The following ZNF141 variants were observed in gnomAD, a reference collection of about 807,000 sequenced individuals.
ZNF141 encodes the protein zinc finger protein 141, also known as zinc finger protein 141 (clone pHZ-44).
Under a neutral mutation model 11.3 loss-of-function variants are expected in ZNF141, and 7 were observed. The ratio of observed to expected loss-of-function variants is 0.62; its 90% CI spans 0.35 to 1.16. ZNF141 has a LOEUF of 1.16. ZNF141 is among the 50% of genes most tolerant of loss of function. ZNF141 has a pLI of 0.02. For missense variants in ZNF141, 535 were observed against 554.0 expected (o/e 0.97, Z 0.34); for synonymous variants, 183 against 190.7 (o/e 0.96, Z 0.33).
chr4:378,671 T>TA lies in ZNF141; in HGVS notation c.*4810dup, dbSNP rs1326218583. Among the ~76,000 whole-genome samples, 14 of 152,088 alleles carry TA rather than the reference T, an allele frequency of 9.2e-5. No individual in the cohort carries two copies. Among genetic ancestry groups the TA allele is most frequent in the African/African-American group, 3.1e-4 (13 of 41,420 alleles). ...TGATCTTTTTTGTCCAGATTCATAT[T>TA]ACAATCTTGAGGAATTTCTCATAAT... On this transcript the variant is annotated 3_prime_UTR_variant, in exon 4 of 4. Coordinates refer to ENST00000240499, the MANE Select transcript of ZNF141 (RefSeq NM_003441.4).
rs371559158 is a variant in ZNF141, at chr4:373,878, T to G, written c.*16T>G. On this transcript the variant is annotated 3_prime_UTR_variant, in exon 4 of 4. Transcript: ENST00000240499. Reference sequence around the variant, plus strand: ...TCATACTTGAGAGAAATCCTACAAATGTAAAGAATGTGGCAAACCTTTGGA... The same window carrying G: ...TCATACTTGAGAGAAATCCTACAAAGGTAAAGAATGTGGCAAACCTTTGGA... 18 of 1,583,568 alleles carry G rather than the reference T, an allele frequency of 1.1e-5. No homozygotes were observed. The African/African-American group carries it at 2.2e-4, about 19-fold the overall frequency.
intron 3 of ZNF141, among the ~76,000 whole-genome samples, chr4:349,186 C>G (rs910200871): frequency 5.3e-5 from 8 of 151,802 alleles, no homozygotes; most frequent in African/African-American, 1.9e-4. Context: ...GTGATCCCAG[C>G]ACTTTCAGAG....
intron 3 of ZNF141, among the ~76,000 whole-genome samples, chr4:372,436 T>C (rs1712113720): frequency 6.6e-6 from 1 of 152,216 alleles, no homozygotes; most frequent in Admixed American, 6.5e-5. Context: ...GCTCTTGGCA[T>C]TTTGCTTACC....
Position 374,393 on chromosome 4 carries a change from A to G in ZNF141, c.*531A>G. On this transcript the variant is annotated 3_prime_UTR_variant, in exon 4 of 4. Transcript: ENST00000240499. ...GCTTCACATGCGAAGAATGTGGCAC[A>G]GTCTTTACCACATCCTCAAACTTTG... 1 of 358,796 alleles carries G rather than the reference A, an allele frequency of 2.8e-6. No homozygotes were observed. Among genetic ancestry groups the G allele is most frequent in the Non-Finnish European group, 5.6e-6 (1 of 177,250 alleles). The allele number at this position is 358,796 out of a possible 1,614,324, so 22.2% of individuals were successfully genotyped here. A position where few individuals can be genotyped will look rare whatever the true frequency, so the allele number is the denominator to read the frequency against.
chr4:373,011 A>C lies in ZNF141; in HGVS notation c.574A>C (p.Ile192Leu). Residue 192 changes from isoleucine (I) to leucine (L), a missense_variant, in exon 4 of 4, where the codon ATT (isoleucine) becomes CTT (leucine). Ile to Leu is a conservative substitution (Grantham distance 5, BLOSUM62 2). Coordinates refer to ENST00000240499, the MANE Select transcript of ZNF141 (RefSeq NM_003441.4). ...KFSHLTQHKV[I>L]HAGEKPYTCE... The stretch of plus-strand genomic sequence containing the variant: ...TTCACACCTAACTCAACATAAGGTA[A>C]TTCATGCTGGAGAGAAACCCTACAC... The C allele has an allele frequency of 1.2e-6, 2 of 1,614,134 alleles. No homozygotes were observed. Among genetic ancestry groups the C allele is most frequent in the Non-Finnish European group, 1.7e-6 (2 of 1,180,002 alleles).
intron 3 of ZNF141, among the ~76,000 whole-genome samples, chr4:349,267 C>CAA (rs549319235): frequency 1.5e-5 from 2 of 134,674 alleles, no homozygotes; most frequent in African/African-American, 2.7e-5. Context: ...GGCCCTGTCT[C>CAA]AAAAAAAAAA....
Position 343,684 on chromosome 4 carries a change from C to T in ZNF141, c.4-98C>T, listed in dbSNP as rs1721168835. The T allele has an allele frequency of 3.3e-5, 43 of 1,317,148 alleles. No homozygotes were observed. In the South Asian group the frequency reaches 4.1e-4, roughly 12 times the overall value. 81.6% of individuals were successfully genotyped at this position (1,317,148 alleles called of 1,614,324 possible). A position where few individuals can be genotyped will look rare whatever the true frequency, so the allele number is the denominator to read the frequency against. On this transcript the variant is annotated intron_variant, in intron 1 of 3. Transcript: ENST00000240499. The stretch of plus-strand genomic sequence containing the variant: ...AGCTTGCAGTGAGCCGAGACTGCGC[C>T]GCTGCACTCCAGCCTGGGTGACAGA...
At chr4:340,221 A>C (rs1720982898) in intron 1 of ZNF141, among the ~76,000 whole-genome samples, 1 of 152,266 alleles carries the variant, frequency 6.6e-6, no homozygotes, top group Non-Finnish European at 1.5e-5. Context: ...TTTAGAGAAG[A>C]ACCTTCTTTC....
chr4:338,117 C>T (rs1466186852), intron 1 of ZNF141, 131 bp downstream of exon 1: 7 of 1,239,414 alleles, frequency 5.6e-6, no homozygotes, highest in African/African-American at 1.5e-5. Flanking sequence ...CAGTACCCTC[C>T]GGTGAGGGAC....
chr4:354,654 T>C (rs1721764719), intron 3 of ZNF141, among the ~76,000 whole-genome samples: 1 of 152,090 alleles, frequency 6.6e-6, no homozygotes, highest in African/African-American at 2.4e-5. Flanking sequence ...AAAGTTGGTT[T>C]ATTTGAGATT....
chr4:372,553 G>A, intron 3 of ZNF141, 111 bp from the exon 4 acceptor site: 1 of 976,822 alleles, frequency 1.0e-6, no homozygotes, highest in Non-Finnish European at 1.4e-6. Context: ...TGGCCTGTGG[G>A]ATTTTGTTAT....
At chr4:342,686 A>G (rs1721107698) in intron 1 of ZNF141, 3 of 881,362 alleles carry the variant, frequency 3.4e-6, no homozygotes, top group African/African-American at 1.7e-5. Context: ...GACAGTTTGA[A>G]GAGAAACCAT....
In ZNF141 at chr4:384,414, A is replaced by G. The variant is rs760353565; in HGVS notation, c.*10552A>G. ...GGAGATGAAAAACACCCACGGGACC[A>G]CACCTGCACCACCCATGTAGCTAGC... On this transcript the variant is annotated 3_prime_UTR_variant, in exon 4 of 4. Coordinates refer to ENST00000240499, the MANE Select transcript of ZNF141 (RefSeq NM_003441.4). The G allele has an allele frequency of 1.3e-5, 2 of 152,182 alleles. No individual in the cohort carries two copies. Among genetic ancestry groups the G allele is most frequent in the Non-Finnish European group, 2.9e-5 (2 of 68,026 alleles). 9.4% of individuals were successfully genotyped at this position (152,182 alleles called of 1,614,324 possible). A position where few individuals can be genotyped will look rare whatever the true frequency, so the allele number is the denominator to read the frequency against.
chr4:375,952 C>G lies in ZNF141; in HGVS notation c.*2090C>G, dbSNP rs1211759339. Among the ~76,000 whole-genome samples the G allele has an allele frequency of 2.0e-5, 3 of 151,880 alleles. No homozygotes were observed. The highest frequency in any genetic ancestry group is 7.2e-5 in the African/African-American group (3 of 41,412). ...TTGAGTGATGCATGAGGTAGGTGTT[C>G]AGAGTAATATTCTTCTGCATTATAG... On this transcript the variant is annotated 3_prime_UTR_variant, in exon 4 of 4. Coordinates refer to ENST00000240499, the MANE Select transcript of ZNF141 (RefSeq NM_003441.4).
rs1553855871 is a variant in ZNF141 at position 382,637 on chromosome 4, C to G, written c.*8775C>G. The G allele has an allele frequency of 6.6e-6, 1 of 152,496 alleles. No individual in the cohort carries two copies. Among genetic ancestry groups the G allele is most frequent in the Admixed American group, 6.5e-5 (1 of 15,296 alleles). 9.4% of individuals were successfully genotyped at this position (152,496 alleles called of 1,614,324 possible). A position where few individuals can be genotyped will look rare whatever the true frequency, so the allele number is the denominator to read the frequency against. On this transcript the variant is annotated 3_prime_UTR_variant, in exon 4 of 4. Transcript: ENST00000240499. ...TGTTTACAGTTTTTCCAAGAGACTT[C>G]AGAACCATTCCCTGGAGTGAATTAT...
intron 3 of ZNF141, among the ~76,000 whole-genome samples, chr4:367,620 G>C (rs59622708): frequency 6.6e-6 from 1 of 151,088 alleles, no homozygotes; most frequent in Non-Finnish European, 1.5e-5. Context: ...AGGTTCAAGC[G>C]ATTCTTCTGC....
In ZNF141 at chr4:339,717, T is replaced by C. The variant is rs955627308; in HGVS notation, c.3+1731T>C. Among the ~76,000 whole-genome samples, 4 of 152,372 alleles carry C rather than the reference T, an allele frequency of 2.6e-5. No homozygotes were observed. In the East Asian group the frequency reaches 7.7e-4, roughly 29 times the overall value. On this transcript the variant is annotated intron_variant, in intron 1 of 3. Coordinates refer to ENST00000240499, the MANE Select transcript of ZNF141 (RefSeq NM_003441.4). ...ATCTGTTAACTAGGTGATTTGTCTT[T>C]TTTGACTCAAAATTGTCTTTAGGAC...
chr4:339,201 A>G (rs1310083411), intron 1 of ZNF141, among the ~76,000 whole-genome samples: 2 of 152,242 alleles, frequency 1.3e-5, no homozygotes, highest in South Asian at 2.1e-4. Context: ...CACAGTGCCC[A>G]GAAGACTCCT....
At chr4:355,169 TTTTC>T (rs1392966249) in intron 3 of ZNF141, among the ~76,000 whole-genome samples, 5 of 151,924 alleles carry the variant, frequency 3.3e-5, no homozygotes, top group African/African-American at 1.2e-4. Flanking sequence ...TGACGAATTT[TTTTC>T]TTTATTTTAT....
Sources: allele counts gnomAD v4.1 joint callset (sites outside exome capture counted in the v4.1 genomes callset), GRCh38; gene constraint gnomAD v4.1.1; transcripts MANE v1.5; gene names NCBI Gene and HGNC (gene_info 2026-07-23, HGNC 2026-07-21).